ERC2: variants seen among roughly 807,000 people sequenced by gnomAD.
ERC2 encodes ERC protein 2.
Under a neutral mutation model 114.8 loss-of-function variants are expected in ERC2, and 42 were observed. That is an observed-to-expected ratio of 0.37 (90% confidence interval 0.29 to 0.47). The LOEUF is 0.47. Ranked by LOEUF, ERC2 falls within the 20% of genes least tolerant of loss-of-function variation. ERC2 has a pLI of 0.99. For synonymous variants in ERC2, 454 were observed against 425.5 expected (o/e 1.07, Z -0.82); for missense variants, 939 against 1,150.7 (o/e 0.82, Z 2.66).
rs1437852492 is a variant in ERC2 at position 55,910,578 on chromosome 3, T to G, written c.2404-22029A>C. ...AGAGTCAACATCAATACCCCAAAAC[T>G]AATTAACTAATAAGTATTAATACTA... On this transcript the variant is annotated intron_variant, in intron 13 of 17. Transcript: ENST00000288221. Among the ~76,000 whole-genome samples the G allele has an allele frequency of 2.0e-5, 3 of 152,332 alleles. No individual in the cohort carries two copies. In the East Asian group the frequency reaches 5.8e-4, roughly 29 times the overall value.
intron 17 of ERC2, among the ~76,000 whole-genome samples, chr3:55,549,228 A>G (rs1416180046): frequency 1.3e-5 from 2 of 152,186 alleles, no homozygotes; most frequent in East Asian, 3.9e-4. Context: ...GGTGTTTGCA[A>G]TACCTGTCCT....
At chr3:56,317,891 G>T (rs2056944849) in intron 2 of ERC2, among the ~76,000 whole-genome samples, 1 of 152,136 alleles carries the variant, frequency 6.6e-6, no homozygotes, top group African/African-American at 2.4e-5. Flanking sequence ...TCATTAACAT[G>T]GTATCTGAGC....
chr3:56,024,146 CA>C (rs2073903334), intron 7 of ERC2, among the ~76,000 whole-genome samples: 1 of 152,192 alleles, frequency 6.6e-6, no homozygotes, highest in South Asian at 2.1e-4. Flanking sequence ...AGAAACAGCT[CA>C]GTCTGATTTA....
At chr3:55,653,478 C>T (rs1023225579) in intron 17 of ERC2, among the ~76,000 whole-genome samples, 7 of 151,700 alleles carry the variant, frequency 4.6e-5, no homozygotes, top group African/African-American at 1.5e-4. Context: ...CAGATTATAC[C>T]GATGTGGAAA....
At chr3:55,886,945 T>A (rs927326289) in intron 14 of ERC2, among the ~76,000 whole-genome samples, 1 of 152,260 alleles carries the variant, frequency 6.6e-6, no homozygotes, top group Middle Eastern at 3.2e-3. Context: ...CCTATCACAT[T>A]CAAGACACTG....
intron 2 of ERC2, among the ~76,000 whole-genome samples, chr3:56,357,340 T>G (rs1403569987): frequency 1.3e-5 from 2 of 152,180 alleles, no homozygotes; most frequent in East Asian, 3.9e-4. Context: ...TAATTTCTAT[T>G]CTCACGTGAG....
chr3:55,839,914 C>T (rs1049302921), intron 14 of ERC2, among the ~76,000 whole-genome samples: 1 of 151,768 alleles, frequency 6.6e-6, no homozygotes, highest in African/African-American at 2.4e-5. Context: ...GATAAAAAAG[C>T]AAGACTCAAA....
At chr3:55,809,889 G>A (rs1457511209) in intron 14 of ERC2, among the ~76,000 whole-genome samples, 2 of 152,200 alleles carry the variant, frequency 1.3e-5, no homozygotes, top group Non-Finnish European at 2.9e-5. Flanking sequence ...TTACAATAAA[G>A]AGCATCTCAG....
At chr3:55,548,241 G>C (rs1346399681) in intron 17 of ERC2, among the ~76,000 whole-genome samples, 1 of 152,238 alleles carries the variant, frequency 6.6e-6, no homozygotes, top group African/African-American at 2.4e-5. Context: ...ATGCCACATG[G>C]GCAATGCCCT....
At chr3:56,183,180 G>A (rs1162049198) in intron 3 of ERC2, among the ~76,000 whole-genome samples, 3 of 152,212 alleles carry the variant, frequency 2.0e-5, no homozygotes, top group Non-Finnish European at 4.4e-5. Context: ...AACCTCAGAT[G>A]GATTCCAAAA....
intron 13 of ERC2, among the ~76,000 whole-genome samples, chr3:55,939,550 G>A (rs1226766924): frequency 6.6e-6 from 1 of 152,186 alleles, no homozygotes; most frequent in Admixed American, 6.5e-5. Context: ...AGAGGCATTT[G>A]ACAAATGAAA....
chr3:55,795,025 C>A (rs1575618606), intron 14 of ERC2, among the ~76,000 whole-genome samples: 1 of 152,216 alleles, frequency 6.6e-6, no homozygotes, highest in African/African-American at 2.4e-5. Flanking sequence ...CTTCCCTGAG[C>A]CTGTTACATT....
intron 3 of ERC2, among the ~76,000 whole-genome samples, chr3:56,275,097 G>T (rs2053908278): frequency 6.6e-6 from 1 of 152,116 alleles, no homozygotes; most frequent in Non-Finnish European, 1.5e-5. Context: ...ACAAGGCCCA[G>T]GATAATGAGT....
chr3:55,977,252 T>C (rs1340678672), intron 12 of ERC2, among the ~76,000 whole-genome samples: 2 of 152,174 alleles, frequency 1.3e-5, no homozygotes, highest in African/African-American at 2.4e-5. Flanking sequence ...CTAAGTATGA[T>C]ACAAAATTCA....
intron 14 of ERC2, among the ~76,000 whole-genome samples, chr3:55,748,601 C>A (rs187467106): frequency 6.6e-6 from 1 of 152,310 alleles, no homozygotes; most frequent in Non-Finnish European, 1.5e-5. Flanking sequence ...ATCAGCAATA[C>A]CGTGCAAAGA....
At chr3:56,214,525 C>T (rs990388268) in intron 3 of ERC2, among the ~76,000 whole-genome samples, 19 of 152,056 alleles carry the variant, frequency 1.2e-4, no homozygotes, top group Admixed American at 3.3e-4. Flanking sequence ...GATTGGTGTA[C>T]CTGAAAGTGA....
intron 15 of ERC2, among the ~76,000 whole-genome samples, chr3:55,717,822 G>A (rs1356817758): frequency 1.3e-5 from 2 of 152,164 alleles, no homozygotes; most frequent in African/African-American, 2.4e-5. Flanking sequence ...ATGGCTCAAG[G>A]TGAGGATAAT....
chr3:56,013,180 A>G (rs993796916), intron 8 of ERC2, among the ~76,000 whole-genome samples: 2 of 152,362 alleles, frequency 1.3e-5, no homozygotes, highest in African/African-American at 2.4e-5. Flanking sequence ...TAATAGTTGA[A>G]TAAGTTCCTG....
At chr3:55,804,959 TGTAAACATTAAAAGCCACA>T (rs2059434648) in intron 14 of ERC2, among the ~76,000 whole-genome samples, 1 of 152,050 alleles carries the variant, frequency 6.6e-6, no homozygotes, top group Admixed American at 6.6e-5. Context: ...GAGAGGGCTT[TGTAAACATTAAAAGCCACA>T]GTGCCACACA....
Sources: gnomAD v4.1 joint callset for allele counts (sites outside exome capture counted in the v4.1 genomes callset) on GRCh38, gnomAD v4.1.1 for gene constraint, MANE v1.5 for transcripts, NCBI Gene and HGNC (gene_info 2026-07-23, HGNC 2026-07-21) for gene names.